PSD3: variants seen among roughly 807,000 people sequenced by gnomAD.
PSD3 encodes PH and SEC7 domain-containing protein 3.
In PSD3, 49 loss-of-function variants were observed where a neutral mutation model predicts 105.5. That is an observed-to-expected ratio of 0.46 (90% CI 0.37 to 0.59). The LOEUF (loss-of-function observed/expected upper bound fraction) is 0.59. Ranked by LOEUF, PSD3 falls within the 20% of genes least tolerant of loss-of-function variation. The probability of loss-of-function intolerance (pLI) is 0.00; values close to 1 mark genes in which losing one functional copy is unlikely to be tolerated. For synonymous variants in PSD3, 557 were observed against 457.8 expected (o/e 1.22, Z -2.77); for missense variants, 1,561 against 1,263.8 (o/e 1.24, Z -3.57).
chr8:19,015,694 T>G (rs77644639), upstream of PSD3, among the ~76,000 whole-genome samples: 14,480 of 152,290 alleles, frequency 0.095, 878 homozygotes, highest in Non-Finnish European at 0.14. Context: ...CATAGACATC[T>G]ATAATCTGAG....
chr8:18,983,942 T>C (rs1484689932), intron 1 of PSD3, among the ~76,000 whole-genome samples: 2 of 150,584 alleles, frequency 1.3e-5, no homozygotes, highest in South Asian at 2.1e-4. Context: ...AAGTTCAAGA[T>C]TGCAGTGAAA....
chr8:18,604,584 C>T (rs1388597152), intron 11 of PSD3, among the ~76,000 whole-genome samples: 1 of 152,110 alleles, frequency 6.6e-6, no homozygotes, highest in Non-Finnish European at 1.5e-5. Context: ...TTCAAACAGA[C>T]TGCAGAAATT....
chr8:18,547,708 T>C (rs1800530152), intron 15 of PSD3, among the ~76,000 whole-genome samples: 1 of 152,216 alleles, frequency 6.6e-6, no homozygotes. Flanking sequence ...CTCCCTTTCT[T>C]TCCTGCTTTC....
chr8:18,551,520 A>AT (rs1563313505), intron 15 of PSD3, among the ~76,000 whole-genome samples: 1 of 152,182 alleles, frequency 6.6e-6, no homozygotes, highest in Non-Finnish European at 1.5e-5. Flanking sequence ...AATGTCCTAG[A>AT]TTTTTAAGAA....
intron 1 of PSD3, among the ~76,000 whole-genome samples, chr8:19,080,653 T>C (rs1161709183): frequency 6.6e-6 from 1 of 152,178 alleles, no homozygotes; most frequent in African/African-American, 2.4e-5. Flanking sequence ...CCTCGCTGTT[T>C]CCTAAACCCT....
intron 1 of PSD3, among the ~76,000 whole-genome samples, chr8:19,058,303 G>A (rs957921538): frequency 2.6e-5 from 4 of 151,976 alleles, no homozygotes; most frequent in Non-Finnish European, 5.9e-5. Flanking sequence ...GAAAGTATAA[G>A]TATAAAGGGA....
rs73666723 is a variant in PSD3, at chr8:18,804,396, G to A, written c.1910+126C>T. On this transcript the variant is annotated intron_variant, in intron 6 of 15. Coordinates refer to ENST00000327040, the MANE Select transcript of PSD3 (RefSeq NM_015310.4). ...TATGGACCCAAACATTTTGGAGAAGGAATACTCCACCTATACATGGAGGTT... is the reference window on the plus strand; with the variant it reads ...TATGGACCCAAACATTTTGGAGAAGAAATACTCCACCTATACATGGAGGTT... 1.7e-3 allele frequency: 1,345 copies of A among 794,780 alleles called. 13 individuals are homozygous for A. In the African/African-American group the frequency reaches 0.021, roughly 12 times the overall value. 49.2% of individuals were successfully genotyped at this position (794,780 alleles called of 1,614,324 possible). A position where few individuals can be genotyped will look rare whatever the true frequency, so the allele number is the denominator to read the frequency against.
intron 4 of PSD3, among the ~76,000 whole-genome samples, chr8:18,858,698 G>T (rs71510628): frequency 6.6e-6 from 1 of 151,938 alleles, no homozygotes; most frequent in Non-Finnish European, 1.5e-5. Flanking sequence ...TCAAGAAACC[G>T]CTTTCTTTAT....
chr8:18,858,494 T>A lies in PSD3; in HGVS notation c.1634+9180A>T, dbSNP rs182209805. On this transcript the variant is annotated intron_variant, in intron 4 of 15. Transcript: ENST00000327040. ...GTTTGCTGCATCAATGGACTCTTCT[T>A]TTCACAAAATATTTCTCTGTAGCCT... 1.1e-3 allele frequency among the ~76,000 whole-genome samples: 164 copies of A among 152,328 alleles called. 2 individuals carry two copies. Among genetic ancestry groups the A allele is most frequent in the African/African-American group, 3.8e-3 (157 of 41,572 alleles).
At chr8:18,959,174 G>C (rs112208131) in intron 1 of PSD3, among the ~76,000 whole-genome samples, 6 of 152,108 alleles carry the variant, frequency 3.9e-5, no homozygotes, top group Admixed American at 1.3e-4. Flanking sequence ...GCCCGACTCG[G>C]CCTCCCAAAG....
intron 1 of PSD3, among the ~76,000 whole-genome samples, chr8:19,051,788 G>C (rs1345200680): frequency 6.6e-6 from 1 of 152,146 alleles, no homozygotes; most frequent in Non-Finnish European, 1.5e-5. Flanking sequence ...ACCTAGCATA[G>C]TACAAGAGCT....
intron 1 of PSD3, among the ~76,000 whole-genome samples, chr8:18,949,244 A>AAAAAAAAT (rs1345423514): frequency 5.6e-4 from 8 of 14,406 alleles, no homozygotes; most frequent in Admixed American, 1.6e-3. Context: ...AAAAAAAAAA[A>AAAAAAAAT]ATATATATAT....
intron 12 of PSD3, among the ~76,000 whole-genome samples, chr8:18,594,759 C>G (rs945582272): frequency 1.3e-5 from 2 of 151,822 alleles, no homozygotes; most frequent in African/African-American, 4.8e-5. Flanking sequence ...TCCTTCTGTA[C>G]ACGTTTTACA....
At chr8:18,827,554 G>T (rs148478905) in intron 4 of PSD3, among the ~76,000 whole-genome samples, 133 of 152,302 alleles carry the variant, frequency 8.7e-4, no homozygotes, top group African/African-American at 3.2e-3. Context: ...GGATTAAATA[G>T]ATAGATTAAA....
intron 9 of PSD3, among the ~76,000 whole-genome samples, chr8:18,703,981 G>GA (rs551271717): frequency 4.0e-4 from 60 of 150,298 alleles, no homozygotes; most frequent in Non-Finnish European, 6.4e-4. Flanking sequence ...ACGAAAAAGG[G>GA]AAAAAAAAGA....
rs115771951 is a variant in PSD3, at chr8:18,587,204, C to T, written c.2482-11919G>A. On this transcript the variant is annotated intron_variant, in intron 12 of 15. Coordinates refer to ENST00000327040, the MANE Select transcript of PSD3 (RefSeq NM_015310.4). ...ACATGGCACTCCCAGGTCACATGCCCCACACAGGTCCTGTGAGGAGGGCTG... is the reference window on the plus strand; with the variant it reads ...ACATGGCACTCCCAGGTCACATGCCTCACACAGGTCCTGTGAGGAGGGCTG... Among the ~76,000 whole-genome samples, 225 of 152,240 alleles carry T rather than the reference C, an allele frequency of 1.5e-3. 2 individuals are homozygous for T. Among genetic ancestry groups the T allele is most frequent in the African/African-American group, 5.1e-3 (214 of 41,554 alleles).
At chr8:19,037,911 T>C (rs1225984579) in intron 1 of PSD3, among the ~76,000 whole-genome samples, 2 of 149,402 alleles carry the variant, frequency 1.3e-5, no homozygotes, top group African/African-American at 4.9e-5. Flanking sequence ...TTAATATATA[T>C]AATCATATAG....
At chr8:18,937,612 C>G (rs1216057455) in intron 1 of PSD3, among the ~76,000 whole-genome samples, 3 of 152,196 alleles carry the variant, frequency 2.0e-5, no homozygotes, top group Non-Finnish European at 4.4e-5. Flanking sequence ...GCTCCACAAT[C>G]ACTTAATGTT....
At chr8:18,860,082 A>C (rs1276587451) in intron 4 of PSD3, among the ~76,000 whole-genome samples, 4 of 152,122 alleles carry the variant, frequency 2.6e-5, no homozygotes, top group Non-Finnish European at 5.9e-5. Context: ...TTTCATTTGA[A>C]CATTTAGAGG....
Sources: gnomAD v4.1 joint callset for allele counts (sites outside exome capture counted in the v4.1 genomes callset) on GRCh38, gnomAD v4.1.1 for gene constraint, MANE v1.5 for transcripts, NCBI Gene and HGNC (gene_info 2026-07-23, HGNC 2026-07-21) for gene names.